The following ZNRF1 variants were observed in gnomAD, a reference collection of about 807,000 sequenced individuals.
ZNRF1 encodes the protein E3 ubiquitin-protein ligase ZNRF1.
A neutral mutation model predicts 18.4 loss-of-function variants in ZNRF1; 3 were observed. The observed-to-expected ratio is 0.16, with a 90% CI of 0.07 to 0.42. The LOEUF (loss-of-function observed/expected upper bound fraction) is 0.42, where lower values mean the gene tolerates loss of function less well. ZNRF1 is among the 10% of genes least tolerant of loss of function. The probability of loss-of-function intolerance (pLI) is 0.99; values close to 1 mark genes in which losing one functional copy is unlikely to be tolerated. For synonymous variants in ZNRF1, 157 were observed against 144.2 expected (o/e 1.09, Z -0.64); for missense variants, 310 against 329.8 (o/e 0.94, Z 0.47).
intron 1 of ZNRF1, among the ~76,000 whole-genome samples, chr16:75,071,917 C>T (rs935851672): frequency 3.3e-5 from 5 of 151,984 alleles, no homozygotes; most frequent in African/African-American, 1.2e-4. Flanking sequence ...CTAGGGTACC[C>T]CTTGTCTGCC....
At chr16:75,091,023 T>A (rs1246184698) in intron 1 of ZNRF1, among the ~76,000 whole-genome samples, 2 of 152,104 alleles carry the variant, frequency 1.3e-5, no homozygotes, top group Non-Finnish European at 1.5e-5. Flanking sequence ...AGTGCTGGGA[T>A]TACAGGCGTG....
intron 1 of ZNRF1, among the ~76,000 whole-genome samples, chr16:75,001,601 C>A (rs1348521738): frequency 6.6e-6 from 1 of 152,068 alleles, no homozygotes; most frequent in Non-Finnish European, 1.5e-5. Context: ...GAGAGTTAGC[C>A]ATATTTTTGA....
At chr16:75,002,746 C>T (rs549614606) in intron 1 of ZNRF1, among the ~76,000 whole-genome samples, 10 of 152,320 alleles carry the variant, frequency 6.6e-5, no homozygotes, top group South Asian at 6.2e-4. Context: ...CCGCAAATCC[C>T]GGGAGAGGAA....
At chr16:75,040,046 T>A (rs71378734) in intron 1 of ZNRF1, among the ~76,000 whole-genome samples, 1 of 50,504 alleles carries the variant, frequency 2.0e-5, no homozygotes, top group Non-Finnish European at 4.4e-5. Context: ...TTCTTTCTTT[T>A]TTTTTTTTTT....
chr16:75,067,422 G>A (rs941347211), intron 1 of ZNRF1, among the ~76,000 whole-genome samples: 1 of 152,102 alleles, frequency 6.6e-6, no homozygotes, highest in African/African-American at 2.4e-5. Flanking sequence ...ATATATTGGT[G>A]CTATCTTTGG....
chr16:75,036,129 A>G (rs981262694), intron 1 of ZNRF1, among the ~76,000 whole-genome samples: 3 of 152,192 alleles, frequency 2.0e-5, no homozygotes, highest in African/African-American at 7.2e-5. Context: ...GCTACCTCCT[A>G]TAACAATCTC....
At chr16:75,025,129 G>A (rs1430048819) in intron 1 of ZNRF1, among the ~76,000 whole-genome samples, 1 of 151,980 alleles carries the variant, frequency 6.6e-6, no homozygotes, top group Middle Eastern at 3.2e-3. Flanking sequence ...GTGCAGTGGC[G>A]CCATCTCGGC....
rs1325883403 is a variant in ZNRF1, at chr16:75,000,162, G to T, written c.424+67G>T. The stretch of plus-strand genomic sequence containing the variant: ...CGGGGCGCCCCAAGCCTTCGCGTGC[G>T]TGCCAAGGTTTGGGAATGTAGTGCA... On this transcript the variant is annotated intron_variant, in intron 1 of 4. Coordinates refer to ENST00000335325, the MANE Select transcript of ZNRF1 (RefSeq NM_032268.5). The T allele has an allele frequency of 1.6e-5, 25 of 1,551,118 alleles. No individual in the cohort carries two copies. In the African/African-American group the frequency reaches 1.9e-4, roughly 12 times the overall value.
At chr16:75,050,266 C>T (rs1003201728) in intron 1 of ZNRF1, among the ~76,000 whole-genome samples, 20 of 152,206 alleles carry the variant, frequency 1.3e-4, no homozygotes, top group African/African-American at 4.1e-4. Flanking sequence ...TGGCTCACTC[C>T]TGTAATCCCG....
chr16:75,075,656 C>G (rs574427975), intron 1 of ZNRF1, among the ~76,000 whole-genome samples: 7 of 152,332 alleles, frequency 4.6e-5, no homozygotes, highest in Admixed American at 4.6e-4. Flanking sequence ...ATGCCAGGCT[C>G]TAGGGCTACA....
At chr16:75,104,649 G>T (rs1597913047) in intron 2 of ZNRF1, 135 bp from the exon 3 acceptor site, 2 of 657,856 alleles carry the variant, frequency 3.0e-6, no homozygotes, top group Non-Finnish European at 5.2e-6. Context: ...CCCTCTTGGG[G>T]TTCTGTGTCC....
At chr16:75,045,821 T>TCCTCATC (rs2035508215) in intron 1 of ZNRF1, among the ~76,000 whole-genome samples, 1 of 151,486 alleles carries the variant, frequency 6.6e-6, no homozygotes, top group Admixed American at 6.6e-5. Context: ...GCTCAAGTGA[T>TCCTCATC]CCTCCCACCT....
Position 75,040,042 on chromosome 16 carries a change from C to CTTTTTTTTTTTTTTTTTTTTTT in ZNRF1, c.424+39952_424+39973dup, listed in dbSNP as rs57122648. Among the ~76,000 whole-genome samples, 33 of 78,892 alleles carry CTTTTTTTTTTTTTTTTTTTTTT rather than the reference C, an allele frequency of 4.2e-4. 3 individuals carry two copies. The highest frequency in any genetic ancestry group is 1.4e-3 in the African/African-American group (25 of 18,126). The allele number at this position is 78,892 out of a possible 152,430, so 51.8% of individuals were successfully genotyped here. A position where few individuals can be genotyped will look rare whatever the true frequency, so the allele number is the denominator to read the frequency against. ...AATCTTTTGTTTCTTTCTTTTCTTTCTTTTTTTTTTTTTTTTTTTTTTTTT... is the reference window on the plus strand; with the variant it reads ...AATCTTTTGTTTCTTTCTTTTCTTTCTTTTTTTTTTTTTTTTTTTTTTTTTTTTTTTTTTTTTTTTTTTTTTT... On this transcript the variant is annotated intron_variant, in intron 1 of 4. Coordinates refer to ENST00000335325, the MANE Select transcript of ZNRF1 (RefSeq NM_032268.5).
At chr16:75,054,832 C>G (rs1414976936) in intron 1 of ZNRF1, among the ~76,000 whole-genome samples, 1 of 152,216 alleles carries the variant, frequency 6.6e-6, no homozygotes, top group Non-Finnish European at 1.5e-5. Flanking sequence ...CTTTGGCCTT[C>G]ACTGCCCACA....
At chr16:75,018,280 G>A (rs2035097279) in intron 1 of ZNRF1, among the ~76,000 whole-genome samples, 1 of 152,128 alleles carries the variant, frequency 6.6e-6, no homozygotes, top group Admixed American at 6.5e-5. Flanking sequence ...GTTTATAATT[G>A]TTTCGGGTTT....
intron 2 of ZNRF1, among the ~76,000 whole-genome samples, chr16:75,096,055 T>TGC (rs2036194846): frequency 7.4e-6 from 1 of 135,702 alleles, no homozygotes; most frequent in Non-Finnish European, 1.6e-5. Context: ...TTTCTGTATG[T>TGC]GTGCACGTGT....
intron 1 of ZNRF1, among the ~76,000 whole-genome samples, chr16:75,086,601 A>G (rs2036076795): frequency 6.6e-6 from 1 of 152,246 alleles, no homozygotes; most frequent in South Asian, 2.1e-4. Flanking sequence ...AATGTGAAAG[A>G]AAATCATCAG....
intron 1 of ZNRF1, among the ~76,000 whole-genome samples, chr16:75,078,424 G>A (rs961933117): frequency 4.7e-5 from 7 of 148,458 alleles, no homozygotes; most frequent in Admixed American, 1.4e-4. Flanking sequence ...TCAGCCTCCC[G>A]AATAGCTGGG....
chr16:75,098,888 C>T (rs2036227434), intron 2 of ZNRF1, among the ~76,000 whole-genome samples: 1 of 152,108 alleles, frequency 6.6e-6, no homozygotes, highest in Non-Finnish European at 1.5e-5. Flanking sequence ...ATACTTCTAG[C>T]AGTTCCAGGG....
Sources: gnomAD v4.1 joint callset for allele counts (sites outside exome capture counted in the v4.1 genomes callset) on GRCh38, gnomAD v4.1.1 for gene constraint, MANE v1.5 for transcripts, NCBI Gene and HGNC (gene_info 2026-07-23, HGNC 2026-07-21) for gene names.